SLC17A8: variants seen among roughly 807,000 people sequenced by gnomAD.
SLC17A8 encodes the protein vesicular glutamate transporter 3.
SLC17A8 carries 31 observed loss-of-function variants against 58.0 expected under a neutral mutation model. The observed-to-expected ratio is 0.53, with a 90% CI of 0.40 to 0.72. The LOEUF is 0.72. Ranked by LOEUF, SLC17A8 falls within the 30% of genes least tolerant of loss-of-function variation. SLC17A8 has a pLI of 0.00. For missense variants in SLC17A8, 655 were observed against 727.8 expected (o/e 0.90, Z 1.15); for synonymous variants, 228 against 249.0 (o/e 0.92, Z 0.79).
intron 1 of SLC17A8, among the ~76,000 whole-genome samples, chr12:100,359,883 G>A (rs1337247618): frequency 1.3e-5 from 2 of 152,152 alleles, no homozygotes; most frequent in Non-Finnish European, 2.9e-5. Flanking sequence ...ACAAAGAACT[G>A]TTTTCTGTTT....
chr12:100,361,932 G>A (rs1422035700), intron 1 of SLC17A8, among the ~76,000 whole-genome samples: 1 of 152,052 alleles, frequency 6.6e-6, no homozygotes, highest in African/African-American at 2.4e-5. Flanking sequence ...CTGCACTCCA[G>A]CCTGGACGAC....
At position 100,362,564 on chromosome 12, in the gene SLC17A8, G is replaced by A. The variant is rs1834880; in HGVS notation, c.101+5072G>A. ...CTGCAAATGGGAAAATACAGCAACCGTGACCTGCTAGCAGCTCTGGAAGTA... is the reference window on the plus strand; with the variant it reads ...CTGCAAATGGGAAAATACAGCAACCATGACCTGCTAGCAGCTCTGGAAGTA... On this transcript the variant is annotated intron_variant, in intron 1 of 11. Transcript: ENST00000323346. Among the ~76,000 whole-genome samples the A allele has an allele frequency of 9.0e-3, 1,375 of 152,118 alleles. 20 individuals carry two copies. Among genetic ancestry groups the A allele is most frequent in the African/African-American group, 0.031 (1,272 of 41,500 alleles).
Position 100,420,695 on chromosome 12 carries a change from C to T in SLC17A8, c.*536C>T. On this transcript the variant is annotated 3_prime_UTR_variant, in exon 12 of 12. Transcript: ENST00000323346. ...TCTAAAGCAACAAGAAATGAACTTG[C>T]CCAAGGTCATCTGCCAGGGTCAGTG... is the stretch of plus-strand genomic sequence containing the variant. 6.2e-6 allele frequency: 1 copy of T among 161,184 alleles called. No homozygotes were observed. Among genetic ancestry groups the T allele is most frequent in the Admixed American group, 5.7e-5 (1 of 17,560 alleles). The allele number at this position is 161,184 out of a possible 1,614,324, so 10.0% of individuals were successfully genotyped here. A position where few individuals can be genotyped will look rare whatever the true frequency, so the allele number is the denominator to read the frequency against.
At chr12:100,374,831 A>G (rs1465859759) in intron 1 of SLC17A8, among the ~76,000 whole-genome samples, 1 of 151,994 alleles carries the variant, frequency 6.6e-6, no homozygotes, top group Non-Finnish European at 1.5e-5. Context: ...GGGCAAAGAA[A>G]AGTGAGATCC....
intron 10 of SLC17A8, among the ~76,000 whole-genome samples, chr12:100,415,367 G>A (rs1430430909): frequency 6.6e-6 from 1 of 150,716 alleles, no homozygotes; most frequent in Non-Finnish European, 1.5e-5. Context: ...TGGGGAGGCT[G>A]AGGTTGCAGT....
At chr12:100,412,014 T>C (rs575378863) in intron 9 of SLC17A8, among the ~76,000 whole-genome samples, 1 of 152,198 alleles carries the variant, frequency 6.6e-6, no homozygotes, top group African/African-American at 2.4e-5. Flanking sequence ...AATATTAGAG[T>C]GTTGTCATTT....
Position 100,421,754 on chromosome 12 carries a change from A to G in SLC17A8, c.*1595A>G, listed in dbSNP as rs1460442457. ...TGTAGTGTATTTTATAAATGGAATA[A>G]TCTTGGGGAAAAATTGCGATTCTTC... On this transcript the variant is annotated 3_prime_UTR_variant, in exon 12 of 12. Transcript: ENST00000323346. 1 of 149,388 alleles carries G rather than the reference A, an allele frequency of 6.7e-6. No homozygotes were observed. Among genetic ancestry groups the G allele is most frequent in the Non-Finnish European group, 1.5e-5 (1 of 67,674 alleles). The allele number at this position is 149,388 out of a possible 1,614,324, so 9.3% of individuals were successfully genotyped here. A position where few individuals can be genotyped will look rare whatever the true frequency, so the allele number is the denominator to read the frequency against.
chr12:100,395,194 C>T (rs1362551935), intron 4 of SLC17A8, among the ~76,000 whole-genome samples: 1 of 152,136 alleles, frequency 6.6e-6, no homozygotes, highest in Non-Finnish European at 1.5e-5. Flanking sequence ...ACCATGCTTA[C>T]ATGTGAAGTG....
intron 1 of SLC17A8, among the ~76,000 whole-genome samples, chr12:100,376,904 G>A (rs1247071160): frequency 6.6e-6 from 1 of 152,096 alleles, no homozygotes; most frequent in Non-Finnish European, 1.5e-5. Flanking sequence ...CTGCCTCCAA[G>A]GTTCAAGTGA....
At chr12:100,397,396 T>C (rs762503079) in intron 5 of SLC17A8, among the ~76,000 whole-genome samples, 4 of 152,176 alleles carry the variant, frequency 2.6e-5, no homozygotes, top group Non-Finnish European at 5.9e-5. Context: ...ATATCCCAGA[T>C]AATAAGAAGT....
chr12:100,367,506 C>A (rs575068500), intron 1 of SLC17A8, among the ~76,000 whole-genome samples: 176 of 152,176 alleles, frequency 1.2e-3, no homozygotes, highest in African/African-American at 4.1e-3. Flanking sequence ...ACTCTTGTGG[C>A]CTTAGGCATT....
intron 1 of SLC17A8, among the ~76,000 whole-genome samples, chr12:100,358,907 G>C (rs954459580): frequency 6.6e-6 from 1 of 152,114 alleles, no homozygotes; most frequent in Non-Finnish European, 1.5e-5. Flanking sequence ...TTTGGGAGGC[G>C]GAAGTGGGAG....
chr12:100,377,685 T>G (rs1360108211), intron 1 of SLC17A8, among the ~76,000 whole-genome samples: 1 of 150,256 alleles, frequency 6.7e-6, no homozygotes, highest in South Asian at 2.1e-4. Flanking sequence ...GCCTCCCAGA[T>G]TCAAGTGATT....
At chr12:100,364,467 A>T (rs896770523) in intron 1 of SLC17A8, among the ~76,000 whole-genome samples, 10 of 152,146 alleles carry the variant, frequency 6.6e-5, no homozygotes, top group Non-Finnish European at 1.5e-4. Flanking sequence ...AGTCCTGGTG[A>T]GTGGGAGCTC....
At chr12:100,373,943 C>A (rs888804155) in intron 1 of SLC17A8, among the ~76,000 whole-genome samples, 2 of 152,170 alleles carry the variant, frequency 1.3e-5, no homozygotes, top group Non-Finnish European at 2.9e-5. Context: ...ATGACTCTAA[C>A]TCCATGTGAG....
chr12:100,374,641 A>G (rs1952581928), intron 1 of SLC17A8, among the ~76,000 whole-genome samples: 2 of 151,900 alleles, frequency 1.3e-5, no homozygotes. Context: ...AACAAATCAA[A>G]TCTGACTCTG....
At chr12:100,360,480 G>C (rs1034985235) in intron 1 of SLC17A8, among the ~76,000 whole-genome samples, 3 of 152,020 alleles carry the variant, frequency 2.0e-5, no homozygotes, top group African/African-American at 7.3e-5. Context: ...TGTTGCCTAG[G>C]CTGGAGTGCA....
intron 2 of SLC17A8, 53 bp from the exon 3 acceptor site, chr12:100,390,947 TG>T (rs1312157778): frequency 2.6e-5 from 31 of 1,196,556 alleles, no homozygotes; most frequent in Non-Finnish European, 3.1e-5. Flanking sequence ...TGGTAAAAAA[TG>T]GTTGTCAGCC....
At chr12:100,366,069 T>G (rs1435206600) in intron 1 of SLC17A8, among the ~76,000 whole-genome samples, 1 of 150,232 alleles carries the variant, frequency 6.7e-6, no homozygotes, top group Non-Finnish European at 1.5e-5. Context: ...TTTTTTTTTT[T>G]TTTTTTCAGG....
Sources: allele counts gnomAD v4.1 joint callset (sites outside exome capture counted in the v4.1 genomes callset), GRCh38; gene constraint gnomAD v4.1.1; transcripts MANE v1.5; gene names NCBI Gene and HGNC (gene_info 2026-07-23, HGNC 2026-07-21).